The following FLT4 variants were observed in gnomAD, a reference collection of about 807,000 sequenced individuals.
FLT4 encodes vascular endothelial growth factor receptor 3.
FLT4 carries 30 observed loss-of-function variants against 163.2 expected under a neutral mutation model. That is an observed-to-expected ratio of 0.18 (90% CI 0.14 to 0.25). FLT4 has a LOEUF of 0.25. FLT4 is among the 10% of genes least tolerant of loss of function. The probability of loss-of-function intolerance (pLI) is 1.00; values close to 1 mark genes in which losing one functional copy is unlikely to be tolerated. For missense variants in FLT4, 1,510 were observed against 1,863.8 expected (o/e 0.81, Z 3.50); for synonymous variants, 884 against 789.5 (o/e 1.12, Z -2.01).
intron 1 of FLT4, among the ~76,000 whole-genome samples, chr5:180,638,001 C>T (rs1372886808): frequency 2.0e-5 from 3 of 152,126 alleles, no homozygotes; most frequent in Admixed American, 2.0e-4. Flanking sequence ...AGCCACTGGG[C>T]GGGGCTCTTA....
intron 29 of FLT4, chr5:180,608,199 A>AT (rs1201783039): frequency 9.1e-5 from 64 of 700,524 alleles, no homozygotes; most frequent in Non-Finnish European, 1.4e-4. Flanking sequence ...AGAAATAGCG[A>AT]AAGTCTTAAA....
intron 1 of FLT4, among the ~76,000 whole-genome samples, chr5:180,647,054 G>GCCACACATCTGT (rs1057269042): frequency 6.6e-6 from 1 of 152,176 alleles, no homozygotes; most frequent in Non-Finnish European, 1.5e-5. Flanking sequence ...GCATCCCTGG[G>GCCACACATCTGT]CCACACATCT....
intron 2 of FLT4, 73 bp downstream of exon 2, chr5:180,631,609 G>A (rs1764169083): frequency 1.6e-6 from 2 of 1,238,818 alleles, no homozygotes; most frequent in South Asian, 2.4e-5. Flanking sequence ...TGCCATCTGG[G>A]CCCACAGCCA....
intron 1 of FLT4, among the ~76,000 whole-genome samples, chr5:180,642,010 C>A (rs561807220): frequency 2.2e-3 from 340 of 152,180 alleles, no homozygotes; most frequent in Non-Finnish European, 3.2e-3. Flanking sequence ...AGATTGAGAC[C>A]ATCCTGGCCA....
chr5:180,611,230 C>T (rs1762164993), intron 27 of FLT4, 101 bp downstream of exon 27: 5 of 1,382,022 alleles, frequency 3.6e-6, no homozygotes, highest in African/African-American at 1.5e-5. Context: ...TGGCCTCTGA[C>T]GTCGCATGAT....
intron 29 of FLT4, among the ~76,000 whole-genome samples, chr5:180,605,192 G>A (rs889578705): frequency 5.3e-5 from 8 of 152,260 alleles, no homozygotes; most frequent in Admixed American, 3.3e-4. Flanking sequence ...CTTGAACTCC[G>A]GGCCTCAAGT....
intron 29 of FLT4, among the ~76,000 whole-genome samples, chr5:180,604,466 G>C (rs1486332847): frequency 2.0e-5 from 3 of 152,182 alleles, no homozygotes; most frequent in Admixed American, 2.0e-4. Flanking sequence ...GCGGACTGCT[G>C]TGTGCTTCCA....
intron 24 of FLT4, 114 bp from the exon 25 acceptor site, chr5:180,613,224 C>A (rs1301288726): frequency 1.4e-6 from 1 of 710,064 alleles, no homozygotes; most frequent in Non-Finnish European, 2.4e-6. Context: ...CTGTCCCTTT[C>A]CCCATCCGTG....
At chr5:180,645,252 G>A (rs1765432221) in intron 1 of FLT4, among the ~76,000 whole-genome samples, 1 of 152,250 alleles carries the variant, frequency 6.6e-6, no homozygotes, top group Non-Finnish European at 1.5e-5. Flanking sequence ...GACCTGCGGG[G>A]AGCGTGGGCT....
At chr5:180,645,244 C>A (rs971712347) in intron 1 of FLT4, among the ~76,000 whole-genome samples, 1 of 152,210 alleles carries the variant, frequency 6.6e-6, no homozygotes, top group Non-Finnish European at 1.5e-5. Flanking sequence ...AAGGGCTGGA[C>A]CTGCGGGGAG....
intron 2 of FLT4, 45 bp downstream of exon 2, chr5:180,631,637 C>T (rs763251900): frequency 1.3e-6 from 2 of 1,486,090 alleles, no homozygotes; most frequent in Non-Finnish European, 1.9e-6. Context: ...CTGCCTTGGG[C>T]TTGTGCAGCC....
Position 180,623,492 on chromosome 5 carries a change from G to A in FLT4, c.1548+443C>T, listed in dbSNP as rs1763337311. 6.6e-6 allele frequency among the ~76,000 whole-genome samples: 1 copy of A among 151,888 alleles called. No homozygotes were observed. The highest frequency in any genetic ancestry group is 1.5e-5 in the Non-Finnish European group (1 of 67,938). ...CTGTCCAGGACTGGAACAGGAAGAGGCTCTGGAGGTGTGTAGGAAAACAGG... is the reference window on the plus strand; with the variant it reads ...CTGTCCAGGACTGGAACAGGAAGAGACTCTGGAGGTGTGTAGGAAAACAGG... On this transcript the variant is annotated intron_variant, in intron 11 of 29. Coordinates refer to ENST00000261937, the MANE Select transcript of FLT4 (RefSeq NM_182925.5). This position sits in a 1 kb window ranked among gnomAD's most constrained non-coding sequence, Gnocchi z 5.8.
Position 180,621,642 on chromosome 5 carries a change from G to A in FLT4, c.1920C>T (p.Ile640=), listed in dbSNP as rs2127816763. The change falls in exon 13 of 30, where the codon ATC becomes ATT. Residue 640 remains isoleucine (I), a synonymous_variant. Coordinates refer to ENST00000261937, the MANE Select transcript of FLT4 (RefSeq NM_182925.5). ...CCTCGTGCTCGGGCGCGACGCGGGG[G>A]ATACTCAGGCTGAGCGTGGCGTGGC... ...GARHATLSLS[I]PRVAPEHEGH... The A allele has an allele frequency of 6.2e-7, 1 of 1,607,122 alleles. No individual in the cohort carries two copies. The highest frequency in any genetic ancestry group is 8.5e-7 in the Non-Finnish European group (1 of 1,175,484).
Position 180,621,543 on chromosome 5 carries a change from C to T in FLT4, c.2019G>A (p.Gln673=). 2 of 1,611,884 alleles carry T rather than the reference C, an allele frequency of 1.2e-6. No individual in the cohort carries two copies. The highest frequency in any genetic ancestry group is 8.5e-7 in the Non-Finnish European group (1 of 1,179,582). The change falls in exon 13 of 30, where the codon CAG becomes CAA. Residue 673 remains glutamine (Q), a splice_region_variant and synonymous_variant. Coordinates refer to ENST00000261937, the MANE Select transcript of FLT4 (RefSeq NM_182925.5). ...CGCCCTCCCCGCGGCCAGCCTCACC[C>T]TGCACCGACAGGTACTTCTTGTGGC... ...KHCHKKYLSV[Q]ALEAPRLTQN... is the part of the protein sequence containing the mutation.
Position 180,601,649 on chromosome 5 carries a change from A to G in FLT4, c.*1543T>C, listed in dbSNP as rs948143714. ...GGGTGGGTAGTGAGGAGAAGGGAGC[A>G]GAGGTGCGCGCCAGGAGCCAGGCTG... is the stretch of plus-strand genomic sequence containing the variant. On this transcript the variant is annotated 3_prime_UTR_variant, in exon 30 of 30. Transcript: ENST00000261937. 4.3e-6 allele frequency: 1 copy of G among 233,304 alleles called. No individual in the cohort carries two copies. The highest frequency in any genetic ancestry group is 8.5e-6 in the Non-Finnish European group (1 of 118,104). 14.5% of individuals were successfully genotyped at this position (233,304 alleles called of 1,614,324 possible).
Position 180,616,433 on chromosome 5 carries a change from C to T in FLT4, c.3153G>A (p.Val1051=), listed in dbSNP as rs758464187. The T allele has an allele frequency of 1.2e-6, 2 of 1,614,046 alleles. No individual in the cohort carries two copies. Among genetic ancestry groups the T allele is most frequent in the Admixed American group, 1.7e-5 (1 of 60,028 alleles). ...RNILLSESDV[V]KICDFGLARD... ...GGGCAAGGCCAAAGTCACAGATCTTCACCACGTCGCTTTCCGACAGCAGAA... is the reference window on the plus strand; with the variant it reads ...GGGCAAGGCCAAAGTCACAGATCTTTACCACGTCGCTTTCCGACAGCAGAA... Residue 1051 remains valine (V), a synonymous_variant, in exon 23 of 30, where the codon GTG becomes GTA. Coordinates refer to ENST00000261937, the MANE Select transcript of FLT4 (RefSeq NM_182925.5).
In FLT4 at chr5:180,619,127, G is replaced by T; in HGVS notation, c.2762-18C>A. Reference sequence around the variant, plus strand: ...GAGGGGGCCTGCGGCGGGACCGGGCGGCGGCCGTGCGTTCGGAACCCGGGG... The same window carrying T: ...GAGGGGGCCTGCGGCGGGACCGGGCTGCGGCCGTGCGTTCGGAACCCGGGG... On this transcript the variant is annotated intron_variant, in intron 19 of 29. Transcript: ENST00000261937. The T allele has an allele frequency of 1.3e-6, 2 of 1,483,384 alleles. No homozygotes were observed. Among genetic ancestry groups the T allele is most frequent in the East Asian group, 5.7e-5 (2 of 34,844 alleles). The allele number at this position is 1,483,384 out of a possible 1,614,324, so 91.9% of individuals were successfully genotyped here.
chr5:180,624,155 CCTT>C, intron 10 of FLT4, 94 bp from the exon 11 acceptor site: 5 of 1,475,282 alleles, frequency 3.4e-6, no homozygotes, highest in Admixed American at 1.7e-5. Flanking sequence ...TATCCAGTCA[CCTT>C]CTCATATGGG....
At position 180,623,951 on chromosome 5, in the gene FLT4, A is replaced by G. The variant is rs148329571; in HGVS notation, c.1532T>C (p.Val511Ala). ...IESLDTWTEFVEGKNKTVSKL... is the reference protein window; with the variant it reads ...IESLDTWTEFAEGKNKTVSKL... ...GGCCTGTACCTTATTCTTTCCCTCCACAAACTCGGTCCAGGTGTCCAGGCT... is the reference window on the plus strand; with the variant it reads ...GGCCTGTACCTTATTCTTTCCCTCCGCAAACTCGGTCCAGGTGTCCAGGCT... Residue 511 changes from valine to alanine, a missense_variant, in exon 11 of 30, where the codon GTG becomes GCG. This residue lies in a region of FLT4 where 878 missense variants were observed against 1,016.7 expected (regional missense o/e 0.86). Transcript: ENST00000261937. This position sits in a 1 kb window ranked among gnomAD's most constrained non-coding sequence, Gnocchi z 5.8. 12 of 1,613,368 alleles carry G rather than the reference A, an allele frequency of 7.4e-6. No homozygotes were observed. In the African/African-American group the frequency reaches 1.3e-4, roughly 18 times the overall value.
Sources: allele counts gnomAD v4.1 joint callset (sites outside exome capture counted in the v4.1 genomes callset), GRCh38; gene constraint gnomAD v4.1.1; regional missense constraint gnomAD v4.1.1; non-coding constraint Gnocchi (gnomAD v3.1); transcripts MANE v1.5; gene names NCBI Gene and HGNC (gene_info 2026-07-23, HGNC 2026-07-21).